RANBP10: variants seen among roughly 807,000 people sequenced by gnomAD.
RANBP10 encodes RAN binding protein 10.
A neutral mutation model predicts 72.8 loss-of-function variants in RANBP10; 24 were observed. The ratio of observed to expected loss-of-function variants is 0.33; its 90% CI spans 0.24 to 0.46. RANBP10 has a LOEUF of 0.46. Among genes scored for constraint, RANBP10 ranks in the 20% least tolerant of loss-of-function variants. RANBP10 has a pLI of 1.00. For synonymous variants in RANBP10, 310 were observed against 322.3 expected, an observed-to-expected ratio of 0.96 and a Z score of 0.41; for missense variants, 679 against 817.5, an observed-to-expected ratio of 0.83 and a Z score of 2.07.
At chr16:67,804,745 T>A (rs1159154356) in intron 2 of RANBP10, among the ~76,000 whole-genome samples, 1 of 152,150 alleles carries the variant, frequency 6.6e-6, no homozygotes, top group Non-Finnish European at 1.5e-5. Flanking sequence ...GCCAGGCTAG[T>A]CTCCAACTCC....
At position 67,734,899 on chromosome 16, in the gene RANBP10, G is replaced by A; in HGVS notation, c.735C>T (p.Pro245=). 6.2e-7 allele frequency: 1 copy of A among 1,611,044 alleles called. No individual in the cohort carries two copies. The highest frequency in any genetic ancestry group is 8.5e-7 in the Non-Finnish European group (1 of 1,177,894). ...GCCACTCGCCAAGCCGGGCACTGAT[G>A]GGGAAGCAGTGGACCGTGCCCTGGA... The part of the protein sequence containing the change: ...AKVQGTVHCF[P]ISARLGEWQA... Residue 245 remains proline (P), a synonymous_variant, in exon 6 of 14, where the codon CCC becomes CCT. Coordinates refer to ENST00000317506, the MANE Select transcript of RANBP10 (RefSeq NM_020850.3).
intron 2 of RANBP10, among the ~76,000 whole-genome samples, chr16:67,788,723 G>A (rs1021583256): frequency 7.9e-5 from 12 of 151,636 alleles, no homozygotes; most frequent in Non-Finnish European, 7.4e-5. Context: ...CAGGCAGGAC[G>A]CGCACAGTGG....
At chr16:67,757,894 C>A (rs1377605001) in intron 3 of RANBP10, among the ~76,000 whole-genome samples, 2 of 152,098 alleles carry the variant, frequency 1.3e-5, no homozygotes, top group African/African-American at 4.8e-5. Flanking sequence ...GGTAGCTCAG[C>A]ATGGAAGCCA....
chr16:67,775,638 T>C (rs796761860), intron 2 of RANBP10, among the ~76,000 whole-genome samples: 7 of 151,504 alleles, frequency 4.6e-5, no homozygotes, highest in African/African-American at 1.7e-4. Context: ...CACGGCAATA[T>C]CCTGTCTCTA....
At chr16:67,793,768 T>C (rs1442664811) in intron 2 of RANBP10, among the ~76,000 whole-genome samples, 1 of 152,222 alleles carries the variant, frequency 6.6e-6, no homozygotes, top group East Asian at 1.9e-4. Context: ...CTGGTTTCTG[T>C]TTTCTGCATT....
rs541532709 is a variant in RANBP10 at position 67,798,750 on chromosome 16, T to TA, written c.347+6677dup. On this transcript the variant is annotated intron_variant, in intron 2 of 13. Transcript: ENST00000317506. The stretch of plus-strand genomic sequence containing the variant: ...GAAAACCATGCTAGAGCCAAAGACC[T>TA]AAAGTCACTGGCCCACCCTGGACAA... 4.1e-3 allele frequency among the ~76,000 whole-genome samples: 624 copies of TA among 152,194 alleles called. 6 individuals are homozygous for TA. Among genetic ancestry groups the TA allele is most frequent in the African/African-American group, 0.014 (601 of 41,514 alleles).
chr16:67,739,930 A>C (rs189917851), intron 4 of RANBP10: 2 of 152,226 alleles, frequency 1.3e-5, no homozygotes, highest in East Asian at 3.9e-4. Flanking sequence ...TCAAACTGAG[A>C]AATGACAAAT....
At chr16:67,745,973 A>G (rs545564870) in intron 3 of RANBP10, among the ~76,000 whole-genome samples, 3 of 152,080 alleles carry the variant, frequency 2.0e-5, no homozygotes, top group Middle Eastern at 3.4e-3. Flanking sequence ...CCTGACCAAC[A>G]TGGAGAAATC....
chr16:67,793,448 A>C (rs1264362802), intron 2 of RANBP10, among the ~76,000 whole-genome samples: 1 of 150,014 alleles, frequency 6.7e-6, no homozygotes, highest in Non-Finnish European at 1.5e-5. Context: ...AGTAGCTAGG[A>C]TTACAGGTAT....
chr16:67,769,641 G>C (rs563559657), intron 3 of RANBP10, among the ~76,000 whole-genome samples: 2 of 148,816 alleles, frequency 1.3e-5, no homozygotes, highest in Admixed American at 1.4e-4. Context: ...AGCTACTCCG[G>C]AGGCTGAGGC....
chr16:67,731,409 G>A lies in RANBP10; in HGVS notation c.889+63C>T, dbSNP rs761164313. 21 of 1,402,814 alleles carry A rather than the reference G, an allele frequency of 1.5e-5. No homozygotes were observed. The African/African-American group carries it at 2.7e-4, about 18-fold the overall frequency. 86.9% of individuals were successfully genotyped at this position (1,402,814 alleles called of 1,614,324 possible). On this transcript the variant is annotated intron_variant, in intron 7 of 13. Coordinates refer to ENST00000317506, the MANE Select transcript of RANBP10 (RefSeq NM_020850.3). ...CTGACAGGTTAACCAGGGTTGACAT[G>A]AGCCAGAGAGCAGAGTTAGGGACAG... is the stretch of plus-strand genomic sequence containing the variant.
intron 2 of RANBP10, among the ~76,000 whole-genome samples, chr16:67,785,493 T>C (rs1035015046): frequency 1.3e-5 from 2 of 151,932 alleles, no homozygotes; most frequent in African/African-American, 4.8e-5. Flanking sequence ...TTTGAGAGGC[T>C]GAGGCAGGCG....
intron 2 of RANBP10, among the ~76,000 whole-genome samples, chr16:67,773,453 G>C (rs966217570): frequency 6.6e-6 from 1 of 152,086 alleles, no homozygotes; most frequent in African/African-American, 2.4e-5. Flanking sequence ...TATAAAAAAG[G>C]CTAATACACT....
intron 2 of RANBP10, among the ~76,000 whole-genome samples, chr16:67,775,395 T>G (rs2054685660): frequency 6.6e-6 from 1 of 152,282 alleles, no homozygotes; most frequent in Admixed American, 6.5e-5. Context: ...ATGCCTGCTT[T>G]CACCACTTCT....
intron 2 of RANBP10, among the ~76,000 whole-genome samples, chr16:67,794,398 C>T (rs2055087546): frequency 6.6e-6 from 1 of 151,696 alleles, no homozygotes; most frequent in Non-Finnish European, 1.5e-5. Context: ...GGTCATGCTG[C>T]TGCACTCCAG....
intron 3 of RANBP10, among the ~76,000 whole-genome samples, chr16:67,748,016 G>A (rs561109871): frequency 8.0e-5 from 12 of 150,208 alleles, no homozygotes; most frequent in Non-Finnish European, 1.0e-4. Context: ...TAGTAGAGAC[G>A]GGGTTTCACC....
chr16:67,765,119 T>C (rs1404602899), intron 3 of RANBP10, among the ~76,000 whole-genome samples: 1 of 142,276 alleles, frequency 7.0e-6, no homozygotes, highest in Non-Finnish European at 1.5e-5. Context: ...GGAGAATCAC[T>C]TGCCCAGGAG....
intron 10 of RANBP10, 147 bp from the exon 11 acceptor site, chr16:67,728,658 C>G (rs2053659237): frequency 2.8e-6 from 4 of 1,429,098 alleles, no homozygotes; most frequent in Non-Finnish European, 3.8e-6. Flanking sequence ...GCTTCCAAGT[C>G]TTCAGCACTT....
In RANBP10 at chr16:67,735,827, C is replaced by T. The variant is rs1238933958; in HGVS notation, c.592-785G>A. On this transcript the variant is annotated intron_variant, in intron 5 of 13. Coordinates refer to ENST00000317506, the MANE Select transcript of RANBP10 (RefSeq NM_020850.3). ...GGGGGTAGGCAGAGATGGGATGACG[C>T]AGGAAAGGAGGGAGGAGGGGAACAT... 4 of 151,754 alleles carry T rather than the reference C, an allele frequency of 2.6e-5. No individual in the cohort carries two copies. In the East Asian group the frequency reaches 7.7e-4, roughly 29 times the overall value. The allele number at this position is 151,754 out of a possible 1,614,324, so 9.4% of individuals were successfully genotyped here.
Sources: gnomAD v4.1 joint callset for allele counts (sites outside exome capture counted in the v4.1 genomes callset) on GRCh38, gnomAD v4.1.1 for gene constraint, MANE v1.5 for transcripts, NCBI Gene and HGNC (gene_info 2026-07-23, HGNC 2026-07-21) for gene names.